The following XPO5 variants were observed in gnomAD, a reference collection of about 807,000 sequenced individuals.
XPO5 encodes exportin 5.
A neutral mutation model predicts 160.6 loss-of-function variants in XPO5; 46 were observed. That is an observed-to-expected ratio of 0.29 (90% CI 0.23 to 0.37). The LOEUF (loss-of-function observed/expected upper bound fraction) is 0.37. Among genes scored for constraint, XPO5 ranks in the 10% least tolerant of loss-of-function variants. The pLI is 1.00. For missense variants in XPO5, 1,090 were observed against 1,463.9 expected, an observed-to-expected ratio of 0.74 and a Z score of 4.17; for synonymous variants, 537 against 519.3, an observed-to-expected ratio of 1.03 and a Z score of -0.46.
chr6:43,563,674 A>C (rs1396883701), intron 8 of XPO5, among the ~76,000 whole-genome samples: 1 of 152,214 alleles, frequency 6.6e-6, no homozygotes, highest in Non-Finnish European at 1.5e-5. Flanking sequence ...ATGTTACCGT[A>C]GCCAATACTG....
Position 43,539,323 on chromosome 6 carries a change from A to G in XPO5, c.2343-5316T>C. 6.4e-6 allele frequency: 10 copies of G among 1,572,316 alleles called. 1 individual carries two copies. The South Asian group carries it at 8.9e-5, about 14-fold the overall frequency. ...GGCCACTGTAGTCCCCGATAGCAAC[A>G]AACGCCTTGAACCTGGTGCGCTGGC... is the stretch of plus-strand genomic sequence containing the variant. On this transcript the variant is annotated intron_variant, in intron 20 of 31. Transcript: ENST00000265351.
intron 29 of XPO5, 58 bp downstream of exon 29, chr6:43,525,049 C>T (rs1793478842): frequency 6.3e-7 from 1 of 1,578,750 alleles, no homozygotes; most frequent in South Asian, 1.2e-5. Context: ...ATGATTTAGT[C>T]AGTCTGCATG....
intron 3 of XPO5, among the ~76,000 whole-genome samples, chr6:43,572,083 T>C (rs558394617): frequency 1.3e-4 from 20 of 152,334 alleles, no homozygotes; most frequent in Admixed American, 5.2e-4. Flanking sequence ...TGCTTTTGTT[T>C]TGTTTTGTTT....
At chr6:43,527,525 C>G in intron 26 of XPO5, 109 bp downstream of exon 26, 1 of 1,112,492 alleles carries the variant, frequency 9.0e-7, no homozygotes, top group East Asian at 2.4e-5. Flanking sequence ...ACCATGCCCG[C>G]CGCAAACATG....
rs1400332240 is a variant in XPO5, at chr6:43,558,212, ATGG to A, written c.1312+286_1312+288del. ...GGGAAAGAAATAACCATAAGGTAAG[ATGG>A]TATTTAATCCTAAGTATGAAAAAAA... On this transcript the variant is annotated intron_variant, in intron 12 of 31. Transcript: ENST00000265351. Among the ~76,000 whole-genome samples the A allele has an allele frequency of 3.9e-5, 6 of 152,314 alleles. No homozygotes were observed. The East Asian group carries it at 1.2e-3, about 29-fold the overall frequency.
chr6:43,553,549 A>ACACACAC (rs750175250), intron 13 of XPO5, 46 bp from the exon 14 acceptor site: 1 of 1,519,186 alleles, frequency 6.6e-7, no homozygotes, highest in African/African-American at 1.4e-5. Flanking sequence ...ACACACACAC[A>ACACACAC]ATTATCAGCA....
chr6:43,572,054 T>C (rs759107003), intron 3 of XPO5, among the ~76,000 whole-genome samples: 1 of 152,212 alleles, frequency 6.6e-6, no homozygotes, highest in South Asian at 2.1e-4. Flanking sequence ...GTAAGAGACA[T>C]ATGCTGAATT....
chr6:43,536,993 G>T (rs1247237698), intron 20 of XPO5, among the ~76,000 whole-genome samples: 3 of 151,946 alleles, frequency 2.0e-5, no homozygotes, highest in Non-Finnish European at 2.9e-5. Context: ...AAGAGACAGG[G>T]TCTCACTCTA....
intron 12 of XPO5, among the ~76,000 whole-genome samples, chr6:43,556,263 C>A (rs773038420): frequency 6.6e-6 from 1 of 152,130 alleles, no homozygotes; most frequent in Non-Finnish European, 1.5e-5. Context: ...GTAGCTCACG[C>A]CTGAAATCCT....
At position 43,536,642 on chromosome 6, in the gene XPO5, C is replaced by G. The variant is rs920149157; in HGVS notation, c.2343-2635G>C. On this transcript the variant is annotated intron_variant, in intron 20 of 31. Coordinates refer to ENST00000265351, the MANE Select transcript of XPO5 (RefSeq NM_020750.3). ...GGCATGGTGGCACACGCCTGTAAAT[C>G]CCAGCTACTCAGGAGGCTGAGGTAG... 3.3e-5 allele frequency among the ~76,000 whole-genome samples: 5 copies of G among 151,034 alleles called. 1 individual carries two copies. Among genetic ancestry groups the G allele is most frequent in the Admixed American group, 3.3e-4 (5 of 15,134 alleles).
At chr6:43,570,465 G>A in intron 5 of XPO5, 37 bp downstream of exon 5, 1 of 1,571,914 alleles carries the variant, frequency 6.4e-7, no homozygotes, top group South Asian at 1.2e-5. Context: ...CACTCATATT[G>A]GAAAATAGAA....
chr6:43,546,574 A>G lies in XPO5; in HGVS notation c.2339T>C (p.Ile780Thr). 1.9e-6 allele frequency: 3 copies of G among 1,607,120 alleles called. No individual in the cohort carries two copies. The highest frequency in any genetic ancestry group is 2.5e-6 in the Non-Finnish European group (3 of 1,178,042). ...AAAAGCCATTATTCTGACTCACCTTATAAGCGCAAGCAAATTGTCAAGAAG... is the reference window on the plus strand; with the variant it reads ...AAAAGCCATTATTCTGACTCACCTTGTAAGCGCAAGCAAATTGTCAAGAAG... The part of the protein sequence containing the change: ...LKLLDNLLAL[I>T]RTHNTLYAPE... Residue 780 changes from isoleucine to threonine, a missense_variant, in exon 20 of 32, where the codon ATA (isoleucine) becomes ACA (threonine). Physicochemically the swap from Ile to Thr is moderately conservative, Grantham distance 89. Transcript: ENST00000265351.
intron 21 of XPO5, 100 bp from the exon 22 acceptor site, chr6:43,531,675 T>C: frequency 5.0e-6 from 5 of 990,168 alleles, no homozygotes; most frequent in Non-Finnish European, 8.1e-6. Flanking sequence ...GGTGAAGATG[T>C]GTGCATGTCT....
chr6:43,548,159 C>T, intron 18 of XPO5, 102 bp downstream of exon 18: 1 of 1,142,332 alleles, frequency 8.8e-7, no homozygotes, highest in Non-Finnish European at 1.2e-6. Flanking sequence ...ATAATGCCAT[C>T]ACACTTCAAT....
Position 43,548,322 on chromosome 6 carries a change from CCTT to C in XPO5, c.1996_1998del (p.Lys666del). 1 of 1,613,630 alleles carries C rather than the reference CCTT, an allele frequency of 6.2e-7. No individual in the cohort carries two copies. The highest frequency in any genetic ancestry group is 8.5e-7 in the Non-Finnish European group (1 of 1,179,682). On this transcript the variant is annotated inframe_deletion, in exon 18 of 32. Transcript: ENST00000265351. ...GGTGCCATCAGCTCCTCTAGGAACA[CCTT>C]CTGACGCTCGTAGTTCTTAAATTGG...
At chr6:43,529,553 CA>C (rs1186641934) in intron 23 of XPO5, 1,205 of 101,670 alleles carry the variant, frequency 0.012, no homozygotes, top group South Asian at 0.048. Context: ...GACTCCGTCT[CA>C]AAAAAAAAAA....
intron 3 of XPO5, among the ~76,000 whole-genome samples, chr6:43,571,931 C>T (rs1763030200): frequency 6.6e-6 from 1 of 152,074 alleles, no homozygotes; most frequent in African/African-American, 2.4e-5. Context: ...GTGTTTCAAT[C>T]TAATTTAGAT....
intron 12 of XPO5, among the ~76,000 whole-genome samples, chr6:43,556,819 T>C (rs901090446): frequency 6.6e-5 from 10 of 152,036 alleles, no homozygotes; most frequent in African/African-American, 2.4e-4. Flanking sequence ...ATCCATACAA[T>C]GAAATATTAG....
In XPO5 at chr6:43,554,191, T is replaced by G. The variant is rs555846989; in HGVS notation, c.1442-688A>C. ...GCGAGATCTCGGCTCACTGCAACAT[T>G]AGCCTCCCAGGTTGAAGCAATTCTC... On this transcript the variant is annotated intron_variant, in intron 13 of 31. Coordinates refer to ENST00000265351, the MANE Select transcript of XPO5 (RefSeq NM_020750.3). 4.6e-5 allele frequency among the ~76,000 whole-genome samples: 7 copies of G among 150,818 alleles called. 1 individual carries two copies. The South Asian group carries it at 1.5e-3, about 32-fold the overall frequency.
Sources: gnomAD v4.1 joint callset for allele counts (sites outside exome capture counted in the v4.1 genomes callset) on GRCh38, gnomAD v4.1.1 for gene constraint, MANE v1.5 for transcripts, NCBI Gene and HGNC (gene_info 2026-07-23, HGNC 2026-07-21) for gene names.